Variants in CHN2 observed in about 807,000 individuals in gnomAD.
The protein encoded by CHN2 is beta-chimaerin.
In CHN2, 35 loss-of-function variants were observed where a neutral mutation model predicts 56.3. The observed-to-expected ratio is 0.62, with a 90% CI of 0.47 to 0.82. The LOEUF (loss-of-function observed/expected upper bound fraction) is 0.82, where lower values mean the gene tolerates loss of function less well. Ranked by LOEUF, CHN2 falls within the 40% of genes least tolerant of loss-of-function variation. CHN2 has a pLI of 0.00. For missense variants in CHN2, 491 were observed against 580.5 expected, an observed-to-expected ratio of 0.85 and a Z score of 1.58; for synonymous variants, 210 against 212.8, an observed-to-expected ratio of 0.99 and a Z score of 0.12.
intron 2 of CHN2, among the ~76,000 whole-genome samples, chr7:29,182,558 T>C (rs1013270705): frequency 6.6e-6 from 1 of 152,218 alleles, no homozygotes; most frequent in African/African-American, 2.4e-5. Flanking sequence ...CTAGAGTATT[T>C]TTATCCAATA....
intron 4 of CHN2, among the ~76,000 whole-genome samples, chr7:29,394,812 G>C (rs1801618455): frequency 6.6e-6 from 1 of 152,100 alleles, no homozygotes; most frequent in Admixed American, 6.5e-5. Flanking sequence ...ATTCTAAAAG[G>C]AGCTGTTTAT....
intron 1 of CHN2, among the ~76,000 whole-genome samples, chr7:29,229,978 A>AAAATAAATAAATAAATAAAT (rs3046854): frequency 1.3e-5 from 2 of 149,652 alleles, no homozygotes; most frequent in African/African-American, 4.9e-5. Context: ...CCCTGTCTCA[A>AAAATAAATAAATAAATAAAT]AAATAAATAA....
At chr7:29,490,888 G>A (rs1219317482) in intron 7 of CHN2, among the ~76,000 whole-genome samples, 1 of 152,138 alleles carries the variant, frequency 6.6e-6, no homozygotes, top group Non-Finnish European at 1.5e-5. Context: ...AAAAGTGTGT[G>A]TGTTCTTTGA....
At chr7:29,490,255 C>A (rs1376566314) in intron 7 of CHN2, among the ~76,000 whole-genome samples, 1 of 152,178 alleles carries the variant, frequency 6.6e-6, no homozygotes, top group Non-Finnish European at 1.5e-5. Context: ...AACACCATCA[C>A]TTCCCCACCT....
intron 6 of CHN2, among the ~76,000 whole-genome samples, chr7:29,426,414 G>A (rs753518145): frequency 7.2e-5 from 11 of 152,046 alleles, no homozygotes; most frequent in Non-Finnish European, 1.2e-4. Context: ...TTTCTTTTAC[G>A]TATTTATTTT....
chr7:29,440,726 G>A (rs1420715466), intron 6 of CHN2, among the ~76,000 whole-genome samples: 9 of 148,438 alleles, frequency 6.1e-5, no homozygotes, highest in Non-Finnish European at 8.9e-5. Context: ...TGCACAGAGA[G>A]GAAAAGGAGT....
At chr7:29,371,441 A>G (rs1288836276) in intron 3 of CHN2, among the ~76,000 whole-genome samples, 1 of 152,210 alleles carries the variant, frequency 6.6e-6, no homozygotes, top group African/African-American at 2.4e-5. Context: ...CTCTGCTGGC[A>G]CTTCCTGAAC....
chr7:29,412,679 T>C (rs750936530), intron 6 of CHN2, among the ~76,000 whole-genome samples: 2 of 152,182 alleles, frequency 1.3e-5, no homozygotes, highest in Non-Finnish European at 2.9e-5. Context: ...CAACTTGTGA[T>C]ATTTCCGGGA....
At chr7:29,428,203 G>A (rs1805075698) in intron 6 of CHN2, among the ~76,000 whole-genome samples, 1 of 152,228 alleles carries the variant, frequency 6.6e-6, no homozygotes, top group Non-Finnish European at 1.5e-5. Context: ...ATTGTTGAGA[G>A]GAGTGAATGA....
intron 2 of CHN2, among the ~76,000 whole-genome samples, chr7:29,174,848 CAAAACTCCATCTAAAAAAAAA>C (rs747715796): frequency 9.8e-5 from 11 of 112,100 alleles, no homozygotes; most frequent in Non-Finnish European, 1.3e-4. Context: ...CAAAAAAGAG[CAAAACTCCATCTAAAAAAAAA>C]AAAAAAAGAA....
chr7:29,204,548 A>G (rs957095462), intron 1 of CHN2, among the ~76,000 whole-genome samples: 5 of 152,198 alleles, frequency 3.3e-5, no homozygotes, highest in South Asian at 4.1e-4. Context: ...GCTGATTTTC[A>G]TATACACAGA....
At chr7:29,428,002 A>G (rs1164829892) in intron 6 of CHN2, among the ~76,000 whole-genome samples, 1 of 152,138 alleles carries the variant, frequency 6.6e-6, no homozygotes, top group Non-Finnish European at 1.5e-5. Context: ...GTGGTGCAAG[A>G]TGGTGATGAG....
intron 1 of CHN2, among the ~76,000 whole-genome samples, chr7:29,256,417 C>T (rs245975): frequency 5.0e-4 from 76 of 152,150 alleles, no homozygotes; most frequent in African/African-American, 1.7e-3. Flanking sequence ...TGTGAACATT[C>T]GAAAGAAGAG....
intron 3 of CHN2, among the ~76,000 whole-genome samples, chr7:29,372,590 A>G (rs920592062): frequency 2.0e-5 from 3 of 152,228 alleles, no homozygotes; most frequent in Admixed American, 1.3e-4. Context: ...TAAATAAATC[A>G]GTAAGTTTCA....
intron 6 of CHN2, among the ~76,000 whole-genome samples, chr7:29,473,282 A>C (rs978649036): frequency 1.3e-5 from 2 of 152,174 alleles, no homozygotes; most frequent in Non-Finnish European, 2.9e-5. Context: ...GACTACGTTC[A>C]TACTTTCATC....
At chr7:29,152,292 G>C (rs1727549996) in intron 2 of CHN2, among the ~76,000 whole-genome samples, 1 of 152,204 alleles carries the variant, frequency 6.6e-6, no homozygotes, top group African/African-American at 2.4e-5. Flanking sequence ...TTCTTGCTGG[G>C]TTAACTGCTA....
At chr7:29,318,354 G>A (rs1795107303) in intron 1 of CHN2, among the ~76,000 whole-genome samples, 1 of 152,204 alleles carries the variant, frequency 6.6e-6, no homozygotes, top group Admixed American at 6.5e-5. Flanking sequence ...GAGTTGAATA[G>A]GTGCGACAGA....
At chr7:29,233,885 G>A (rs1011055868) in intron 1 of CHN2, among the ~76,000 whole-genome samples, 5 of 117,676 alleles carry the variant, frequency 4.2e-5, no homozygotes, top group Non-Finnish European at 8.4e-5. Flanking sequence ...CCAGGCTGGA[G>A]TGCAGTGGCG....
intron 1 of CHN2, among the ~76,000 whole-genome samples, chr7:29,257,390 G>A (rs576891968): frequency 2.6e-4 from 40 of 152,216 alleles, no homozygotes; most frequent in African/African-American, 9.4e-4. Flanking sequence ...CAGTTTGGTG[G>A]TCTTCACTTC....
Sources: gnomAD v4.1 joint callset for allele counts (sites outside exome capture counted in the v4.1 genomes callset) on GRCh38, gnomAD v4.1.1 for gene constraint, MANE v1.5 for transcripts, NCBI Gene and HGNC (gene_info 2026-07-23, HGNC 2026-07-21) for gene names.